Variants in TLK2 observed in about 807,000 individuals in gnomAD.
The protein encoded by TLK2 is tousled like kinase 2.
In TLK2, 6 loss-of-function variants were observed where a neutral mutation model predicts 117.3. That is an observed-to-expected ratio of 0.05 (90% CI 0.03 to 0.10). The LOEUF is 0.10. TLK2 is among the 10% of genes least tolerant of loss of function. The pLI is 1.00. For synonymous variants in TLK2, 257 were observed against 316.7 expected (o/e 0.81, Z 2.00); for missense variants, 299 against 901.2 (o/e 0.33, Z 8.56).
In TLK2 at chr17:62,601,799, C is replaced by T. The variant is rs117967272; in HGVS notation, c.1721-243C>T. ...TACTTTGGCCAGTTATTTTTATTTCCAGAGCTCATCATAGTGGTGGTTTTG... is the reference window on the plus strand; with the variant it reads ...TACTTTGGCCAGTTATTTTTATTTCTAGAGCTCATCATAGTGGTGGTTTTG... On this transcript the variant is annotated intron_variant, in intron 18 of 21. Coordinates refer to ENST00000346027, the MANE Select transcript of TLK2 (RefSeq NM_006852.6). Among the ~76,000 whole-genome samples the T allele has an allele frequency of 2.6e-3, 395 of 152,250 alleles. 16 individuals carry two copies. In the East Asian group the frequency reaches 0.066, roughly 26 times the overall value.
intron 7 of TLK2, among the ~76,000 whole-genome samples, chr17:62,538,858 G>T (rs1263445152): frequency 6.6e-6 from 1 of 152,156 alleles, no homozygotes; most frequent in Admixed American, 6.6e-5. Flanking sequence ...TAGTAAAAGG[G>T]TTAGTATTAA....
chr17:62,581,282 T>C (rs905533127), intron 15 of TLK2, among the ~76,000 whole-genome samples: 2 of 152,138 alleles, frequency 1.3e-5, no homozygotes, highest in African/African-American at 4.8e-5. Flanking sequence ...AGATTACAGG[T>C]GTGAGACACT....
At chr17:62,561,334 G>T (rs2079259945) in intron 10 of TLK2, among the ~76,000 whole-genome samples, 1 of 152,164 alleles carries the variant, frequency 6.6e-6, no homozygotes, top group Non-Finnish European at 1.5e-5. Context: ...AATCCTTTGG[G>T]TATATACCCA....
intron 1 of TLK2, among the ~76,000 whole-genome samples, chr17:62,480,010 C>T (rs1375717247): frequency 3.3e-5 from 5 of 152,174 alleles, no homozygotes; most frequent in Non-Finnish European, 7.4e-5. Flanking sequence ...TTTCCTAATT[C>T]TCTCTCTAAC....
At chr17:62,538,589 G>A (rs975137083) in intron 7 of TLK2, among the ~76,000 whole-genome samples, 54 of 152,300 alleles carry the variant, frequency 3.5e-4, no homozygotes, top group African/African-American at 1.1e-3. Flanking sequence ...TAGGCTTGTG[G>A]TGGATGCACG....
At chr17:62,472,897 C>G (rs1171679180) in intron 1 of TLK2, among the ~76,000 whole-genome samples, 2 of 152,188 alleles carry the variant, frequency 1.3e-5, no homozygotes, top group Non-Finnish European at 2.9e-5. Context: ...CCACAGGTCA[C>G]TTGAAATGCC....
At chr17:62,605,242 G>T (rs993802187) in intron 19 of TLK2, among the ~76,000 whole-genome samples, 1 of 152,038 alleles carries the variant, frequency 6.6e-6, no homozygotes, top group East Asian at 1.9e-4. Context: ...CAGGAGAATC[G>T]CTTGAACCTG....
chr17:62,551,101 C>T (rs892003232), intron 7 of TLK2, among the ~76,000 whole-genome samples: 3 of 152,210 alleles, frequency 2.0e-5, no homozygotes, highest in Non-Finnish European at 4.4e-5. Flanking sequence ...TACAGGTGAG[C>T]CACCTGACCC....
intron 7 of TLK2, 67 bp downstream of exon 7, chr17:62,536,404 T>C: frequency 6.8e-7 from 1 of 1,471,996 alleles, no homozygotes; most frequent in Admixed American, 2.5e-5. Context: ...TGAGGTTGGA[T>C]TAATTATTTT....
At position 62,536,300 on chromosome 17, in the gene TLK2, C is replaced by T. The variant is rs151005373; in HGVS notation, c.494C>T (p.Ala165Val). Residue 165 changes from alanine to valine, a missense_variant, in exon 7 of 22, where the codon GCG becomes GTG. Physicochemically the swap from Ala to Val is moderately conservative, Grantham distance 64. Transcript: ENST00000346027. ...AKPRLDTEQLAQRGAGLCFTF... is the reference protein window; with the variant it reads ...AKPRLDTEQLVQRGAGLCFTF... ...CCTCGGCTTGACACAGAGCAGCTGGCGCAAAGGGGAGCTGGCCTCTGCTTC... is the reference window on the plus strand; with the variant it reads ...CCTCGGCTTGACACAGAGCAGCTGGTGCAAAGGGGAGCTGGCCTCTGCTTC... The T allele has an allele frequency of 1.7e-4, 272 of 1,613,072 alleles. 2 individuals are homozygous for T. The highest frequency in any genetic ancestry group is 5.0e-4 in the Middle Eastern group (3 of 6,028).
Position 62,594,761 on chromosome 17 carries a change from A to C in TLK2, c.1461-1824A>C, listed in dbSNP as rs564532225. 3.3e-5 allele frequency among the ~76,000 whole-genome samples: 5 copies of C among 151,756 alleles called. No individual in the cohort carries two copies. In the South Asian group the frequency reaches 1.0e-3, roughly 32 times the overall value. ...AGGGGCAAGGTGGGAGCCACCCTAG[A>C]CAGGATGCCATCCCATTGCAGGGCG... is the stretch of plus-strand genomic sequence containing the variant. On this transcript the variant is annotated intron_variant, in intron 16 of 21. Transcript: ENST00000346027.
At chr17:62,610,371 C>T (rs919564775) in intron 21 of TLK2, among the ~76,000 whole-genome samples, 5 of 152,156 alleles carry the variant, frequency 3.3e-5, no homozygotes, top group Admixed American at 3.3e-4. Context: ...GAGATGGAAT[C>T]GAATATGTAG....
chr17:62,573,650 T>A (rs1439143773), intron 12 of TLK2, among the ~76,000 whole-genome samples: 1 of 152,232 alleles, frequency 6.6e-6, no homozygotes, highest in Non-Finnish European at 1.5e-5. Context: ...GATGTCATTG[T>A]ACTGAAATGA....
At position 62,522,105 on chromosome 17, in the gene TLK2, T is replaced by C. The variant is rs770217419; in HGVS notation, c.154-99T>C. 7.8e-5 allele frequency: 99 copies of C among 1,264,570 alleles called. 1 individual carries two copies. Among genetic ancestry groups the C allele is most frequent in the Non-Finnish European group, 1.0e-4 (91 of 901,734 alleles). The allele number at this position is 1,264,570 out of a possible 1,614,324, so 78.3% of individuals were successfully genotyped here. A position where few individuals can be genotyped will look rare whatever the true frequency, so the allele number is the denominator to read the frequency against. On this transcript the variant is annotated intron_variant, in intron 3 of 21. Transcript: ENST00000346027. Reference sequence around the variant, plus strand: ...ATTCAGGACTTGTCTGGGCCAGTTATATCTGTTTATATATTCAATATTTTG... The same window carrying C: ...ATTCAGGACTTGTCTGGGCCAGTTACATCTGTTTATATATTCAATATTTTG...
intron 3 of TLK2, among the ~76,000 whole-genome samples, 165 bp downstream of exon 3, chr17:62,521,009 CA>C (rs1212081029): frequency 3.9e-5 from 6 of 152,016 alleles, no homozygotes; most frequent in Non-Finnish European, 8.8e-5. Context: ...CTCGTTTCTA[CA>C]AAAAAACTTA....
intron 18 of TLK2, among the ~76,000 whole-genome samples, chr17:62,601,800 A>C (rs1287844509): frequency 1.3e-5 from 2 of 152,208 alleles, no homozygotes; most frequent in Admixed American, 6.5e-5. Flanking sequence ...TTTTATTTCC[A>C]GAGCTCATCA....
intron 11 of TLK2, among the ~76,000 whole-genome samples, chr17:62,571,739 G>T (rs1190457151): frequency 6.6e-6 from 1 of 152,154 alleles, no homozygotes; most frequent in Non-Finnish European, 1.5e-5. Flanking sequence ...TGTATTGTGG[G>T]TATCTACCTT....
At chr17:62,471,101 G>A (rs1392347414) in intron 1 of TLK2, 3 of 152,272 alleles carry the variant, frequency 2.0e-5, no homozygotes, top group Admixed American at 6.5e-5. Flanking sequence ...TACTCCAAGA[G>A]GAAACTAAAG....
upstream of TLK2, among the ~76,000 whole-genome samples, chr17:62,476,562 G>T (rs919574864): frequency 6.6e-6 from 1 of 150,762 alleles, no homozygotes; most frequent in Non-Finnish European, 1.5e-5. Context: ...CAGCCCGGGC[G>T]ACAGTGTGAG....
Sources: allele counts gnomAD v4.1 joint callset (sites outside exome capture counted in the v4.1 genomes callset), GRCh38; gene constraint gnomAD v4.1.1; transcripts MANE v1.5; gene names NCBI Gene and HGNC (gene_info 2026-07-23, HGNC 2026-07-21).